The following EPS15 variants were observed in gnomAD, a reference collection of about 807,000 sequenced individuals.
EPS15 encodes epidermal growth factor receptor substrate 15.
Under a neutral mutation model 113.8 loss-of-function variants are expected in EPS15, and 72 were observed. The observed-to-expected ratio is 0.63, with a 90% CI of 0.52 to 0.77. The LOEUF (loss-of-function observed/expected upper bound fraction) is 0.77. Ranked by LOEUF, EPS15 falls within the 30% of genes least tolerant of loss-of-function variation. EPS15 has a pLI of 0.00. For synonymous variants in EPS15, 344 were observed against 363.4 expected (o/e 0.95, Z 0.61); for missense variants, 1,048 against 1,045.8 (o/e 1.00, Z -0.03).
chr1:51,388,729 A>G (rs1647166806), intron 21 of EPS15, among the ~76,000 whole-genome samples: 2 of 152,248 alleles, frequency 1.3e-5, no homozygotes, highest in Admixed American at 6.5e-5. Context: ...AGAAATGGAT[A>G]AATTCCTCGA....
At chr1:51,363,351 C>A (rs1010850313) in intron 23 of EPS15, among the ~76,000 whole-genome samples, 13 of 151,510 alleles carry the variant, frequency 8.6e-5, no homozygotes, top group African/African-American at 3.2e-4. Flanking sequence ...TACCATTTTC[C>A]TTCAAGAAAA....
intron 16 of EPS15, among the ~76,000 whole-genome samples, chr1:51,404,030 C>T (rs1396018607): frequency 3.3e-5 from 5 of 152,092 alleles, no homozygotes; most frequent in Admixed American, 2.0e-4. Context: ...TTCATTTAGA[C>T]GAGTGGGTGA....
chr1:51,419,597 G>C (rs1406509969), intron 13 of EPS15, among the ~76,000 whole-genome samples: 1 of 151,992 alleles, frequency 6.6e-6, no homozygotes, highest in African/African-American at 2.4e-5. Context: ...TTTCTCATTA[G>C]CATCACCATT....
rs921818578 is a variant in EPS15 at position 51,402,115 on chromosome 1, G to A, written c.1882+320C>T. Among the ~76,000 whole-genome samples the A allele has an allele frequency of 2.2e-4, 33 of 148,312 alleles. 1 individual carries two copies. Among genetic ancestry groups the A allele is most frequent in the African/African-American group, 7.7e-4 (31 of 40,052 alleles). ...TTGTGCCACTGCACTCCAGCCTGGC[G>A]ACAGAGCGAGACTCCATTTCTAAAT... On this transcript the variant is annotated intron_variant, in intron 18 of 24. Coordinates refer to ENST00000371733, the MANE Select transcript of EPS15 (RefSeq NM_001981.3).
chr1:51,360,203 C>A (rs1646350478), intron 24 of EPS15, among the ~76,000 whole-genome samples: 1 of 151,984 alleles, frequency 6.6e-6, no homozygotes, highest in African/African-American at 2.4e-5. Context: ...AGTTACCTGG[C>A]CACTAGATCT....
chr1:51,469,847 T>C (rs1371428217), intron 4 of EPS15, among the ~76,000 whole-genome samples: 3 of 152,020 alleles, frequency 2.0e-5, no homozygotes, highest in African/African-American at 7.3e-5. Flanking sequence ...GATAATCTCC[T>C]AGCTACCAAA....
intron 1 of EPS15, among the ~76,000 whole-genome samples, chr1:51,493,638 G>A (rs1354478677): frequency 6.6e-6 from 1 of 150,970 alleles, no homozygotes; most frequent in East Asian, 2.0e-4. Context: ...GTGGATGGGA[G>A]GACAGAGTCT....
chr1:51,474,699 T>A (rs1034151244), intron 2 of EPS15, among the ~76,000 whole-genome samples: 2 of 152,108 alleles, frequency 1.3e-5, no homozygotes, highest in South Asian at 4.1e-4. Context: ...ATTATTATTA[T>A]ACTTTAAGTT....
At chr1:51,400,890 C>G in intron 19 of EPS15, 28 bp downstream of exon 19, 1 of 1,498,262 alleles carries the variant, frequency 6.7e-7, no homozygotes, top group Middle Eastern at 1.7e-4. Context: ...TGAATGAAAG[C>G]TAAGATGAAA....
intron 21 of EPS15, among the ~76,000 whole-genome samples, chr1:51,369,541 T>C (rs886427953): frequency 6.6e-6 from 1 of 152,198 alleles, no homozygotes; most frequent in African/African-American, 2.4e-5. Flanking sequence ...GAAAAATATA[T>C]AAAAGTATAA....
rs188911673 is a variant in EPS15 at position 51,472,628 on chromosome 1, T to A, written c.165+231A>T. Among the ~76,000 whole-genome samples the A allele has an allele frequency of 1.1e-3, 164 of 152,314 alleles. 1 individual carries two copies. The highest frequency in any genetic ancestry group is 3.9e-3 in the African/African-American group (162 of 41,568). Reference sequence around the variant, plus strand: ...ACCAAATGTACTTATTACTTCCTCATTTTATCCTATTAAAAAGTAGTTTGT... The same window carrying A: ...ACCAAATGTACTTATTACTTCCTCAATTTATCCTATTAAAAAGTAGTTTGT... On this transcript the variant is annotated intron_variant, in intron 3 of 24. Transcript: ENST00000371733.
intron 12 of EPS15, among the ~76,000 whole-genome samples, chr1:51,433,858 T>C (rs963478479): frequency 6.6e-6 from 1 of 152,218 alleles, no homozygotes; most frequent in Admixed American, 6.5e-5. Flanking sequence ...TGGAAGCTAG[T>C]AGATGACAAA....
Position 51,405,895 on chromosome 1 carries a change from T to C in EPS15, c.1677+10A>G. 6.2e-7 allele frequency: 1 copy of C among 1,610,072 alleles called. No individual in the cohort carries two copies. The highest frequency in any genetic ancestry group is 8.5e-7 in the Non-Finnish European group (1 of 1,177,390). On this transcript the variant is annotated intron_variant, in intron 16 of 24. Transcript: ENST00000371733. ...GTTGATTATGAAGGTTATGAAAGTA[T>C]TAGACTCACTGGAGATTCCTGGTGT...
At chr1:51,479,200 A>G (rs780119325) in intron 2 of EPS15, among the ~76,000 whole-genome samples, 2 of 152,056 alleles carry the variant, frequency 1.3e-5, no homozygotes, top group African/African-American at 2.4e-5. Context: ...GCTTCATTTC[A>G]TTCGAGCTTC....
At chr1:51,404,925 T>C (rs145917148) in intron 16 of EPS15, among the ~76,000 whole-genome samples, 16 of 152,326 alleles carry the variant, frequency 1.1e-4, no homozygotes, top group African/African-American at 3.8e-4. Context: ...CTCTTACCAA[T>C]ACCCTCTCCA....
At chr1:51,381,169 T>C (rs2148380889) in intron 21 of EPS15, among the ~76,000 whole-genome samples, 1 of 152,298 alleles carries the variant, frequency 6.6e-6, no homozygotes, top group East Asian at 1.9e-4. Flanking sequence ...AACAGATATA[T>C]ACAGAACACT....
At chr1:51,473,320 G>A (rs1166508119) in intron 2 of EPS15, among the ~76,000 whole-genome samples, 2 of 152,142 alleles carry the variant, frequency 1.3e-5, no homozygotes, top group African/African-American at 4.8e-5. Flanking sequence ...GAGGTCTTCT[G>A]ACAAATGGGA....
chr1:51,380,913 TTAACTC>T (rs1281315295), intron 21 of EPS15, among the ~76,000 whole-genome samples: 3 of 152,202 alleles, frequency 2.0e-5, no homozygotes, highest in Non-Finnish European at 4.4e-5. Context: ...AAAATAGACT[TTAACTC>T]TACAACTGTT....
chr1:51,516,437 A>T (rs1644717686), intron 1 of EPS15, among the ~76,000 whole-genome samples: 1 of 152,106 alleles, frequency 6.6e-6, no homozygotes, highest in Admixed American at 6.5e-5. Flanking sequence ...AGGCCTGGAT[A>T]TTTAACCCAA....
Sources: gnomAD v4.1 joint callset for allele counts (sites outside exome capture counted in the v4.1 genomes callset) on GRCh38, gnomAD v4.1.1 for gene constraint, MANE v1.5 for transcripts, NCBI Gene and HGNC (gene_info 2026-07-23, HGNC 2026-07-21) for gene names.